Variants in PEX5L observed in about 807,000 individuals in gnomAD.
PEX5L encodes the protein peroxisomal biogenesis factor 5 like.
In PEX5L, 30 loss-of-function variants were observed where a neutral mutation model predicts 84.0. The ratio of observed to expected loss-of-function variants is 0.36; its 90% CI spans 0.27 to 0.48. PEX5L has a LOEUF of 0.48. PEX5L is among the 20% of genes least tolerant of loss of function. The probability of loss-of-function intolerance (pLI) is 0.99; values close to 1 mark genes in which losing one functional copy is unlikely to be tolerated. For synonymous variants in PEX5L, 270 were observed against 283.1 expected, an observed-to-expected ratio of 0.95 and a Z score of 0.46; for missense variants, 533 against 754.6, an observed-to-expected ratio of 0.71 and a Z score of 3.44.
chr3:179,960,737 T>C (rs570350578), intron 2 of PEX5L, among the ~76,000 whole-genome samples: 2 of 152,220 alleles, frequency 1.3e-5, no homozygotes, highest in Non-Finnish European at 2.9e-5. Context: ...ATGAGCTCAA[T>C]ATGTTTTATC....
chr3:179,965,727 C>T (rs1401580651), intron 2 of PEX5L, among the ~76,000 whole-genome samples: 1 of 151,824 alleles, frequency 6.6e-6, no homozygotes, highest in African/African-American at 2.4e-5. Context: ...CTAAACAAAC[C>T]AAAAAATAAA....
At chr3:180,025,606 C>A (rs1369074064) in intron 1 of PEX5L, among the ~76,000 whole-genome samples, 2 of 151,902 alleles carry the variant, frequency 1.3e-5, no homozygotes, top group African/African-American at 4.8e-5. Context: ...GAGGGGGTAA[C>A]ATTTGAAGGG....
chr3:179,838,933 T>C (rs1445624918), intron 8 of PEX5L, among the ~76,000 whole-genome samples: 1 of 152,120 alleles, frequency 6.6e-6, no homozygotes, highest in African/African-American at 2.4e-5. Flanking sequence ...AGAAAAAGTT[T>C]CCAACACAGG....
intron 14 of PEX5L, among the ~76,000 whole-genome samples, chr3:179,806,308 G>A (rs930547373): frequency 3.9e-5 from 6 of 152,200 alleles, no homozygotes; most frequent in African/African-American, 1.4e-4. Flanking sequence ...GGGTGGCACA[G>A]AGTCAGCTCT....
chr3:179,828,082 C>T (rs1731215760), intron 8 of PEX5L, among the ~76,000 whole-genome samples: 1 of 152,072 alleles, frequency 6.6e-6, no homozygotes, highest in Non-Finnish European at 1.5e-5. Flanking sequence ...AGCAAAAATC[C>T]TAAAAAGGTA....
chr3:180,005,654 G>A (rs1788819334), intron 1 of PEX5L, among the ~76,000 whole-genome samples: 1 of 152,112 alleles, frequency 6.6e-6, no homozygotes, highest in African/African-American at 2.4e-5. Flanking sequence ...GTGTGAACAC[G>A]GGAGGTGGAG....
chr3:179,809,369 G>T, intron 12 of PEX5L, 102 bp downstream of exon 12: 1 of 824,956 alleles, frequency 1.2e-6, no homozygotes. Context: ...AACCATTCTG[G>T]AGTGGGTGGT....
intron 2 of PEX5L, among the ~76,000 whole-genome samples, chr3:179,923,422 G>A (rs567977975): frequency 1.1e-4 from 17 of 152,046 alleles, no homozygotes; most frequent in Non-Finnish European, 7.4e-5. Flanking sequence ...AATTAAAATT[G>A]GTAGAAGTTT....
intron 2 of PEX5L, among the ~76,000 whole-genome samples, chr3:179,929,328 T>A (rs987181321): frequency 3.9e-5 from 6 of 152,172 alleles, no homozygotes; most frequent in Non-Finnish European, 8.8e-5. Flanking sequence ...AGTACTTAAA[T>A]CTAAATATAG....
At chr3:179,853,301 C>A (rs1204405541) in intron 8 of PEX5L, among the ~76,000 whole-genome samples, 24 of 152,214 alleles carry the variant, frequency 1.6e-4, no homozygotes, top group Admixed American at 1.6e-3. Flanking sequence ...CCAATGTATT[C>A]TAAATGTTGC....
intron 14 of PEX5L, among the ~76,000 whole-genome samples, chr3:179,806,781 T>C: frequency 6.6e-6 from 1 of 152,240 alleles, no homozygotes. Flanking sequence ...TCTCTTTTTT[T>C]AACAAGTGAA....
At chr3:179,970,973 C>T (rs1001402928) in intron 2 of PEX5L, among the ~76,000 whole-genome samples, 3 of 152,164 alleles carry the variant, frequency 2.0e-5, no homozygotes, top group Non-Finnish European at 2.9e-5. Context: ...CTTCCATTAC[C>T]TGGTATGTCA....
chr3:179,935,481 C>A lies in PEX5L; in HGVS notation c.93+36113G>T, dbSNP rs142603914. 6.2e-4 allele frequency among the ~76,000 whole-genome samples: 95 copies of A among 152,002 alleles called. 1 individual carries two copies. In the East Asian group the frequency reaches 0.015, roughly 24 times the overall value. On this transcript the variant is annotated intron_variant, in intron 2 of 14. Transcript: ENST00000467460. ...ATCTGGGCCACTGGGGCCTCCACCC[C>A]ATGCGGGATGTGCTTTTGGGTTATT...
chr3:179,921,850 C>T (rs144816935), intron 2 of PEX5L: 2 of 152,304 alleles, frequency 1.3e-5, no homozygotes, highest in East Asian at 3.9e-4. Flanking sequence ...GGATTGGAAT[C>T]ACAAGATGTT....
chr3:179,834,811 A>G (rs1405296227), intron 8 of PEX5L, among the ~76,000 whole-genome samples: 1 of 152,180 alleles, frequency 6.6e-6, no homozygotes, highest in Non-Finnish European at 1.5e-5. Flanking sequence ...TGTTCCTCAA[A>G]ATGATATTTT....
intron 1 of PEX5L, among the ~76,000 whole-genome samples, chr3:180,007,920 C>T (rs1789073265): frequency 6.6e-6 from 1 of 152,224 alleles, no homozygotes; most frequent in Admixed American, 6.5e-5. Flanking sequence ...GAGGGACTGC[C>T]ATGAAGGTCT....
intron 1 of PEX5L, among the ~76,000 whole-genome samples, chr3:179,986,157 T>C (rs1786791105): frequency 7.4e-6 from 1 of 134,988 alleles, no homozygotes; most frequent in Non-Finnish European, 1.6e-5. Context: ...CAATCTCATG[T>C]AATTTAAAAT....
chr3:180,023,389 T>C (rs921124072), intron 1 of PEX5L, among the ~76,000 whole-genome samples: 5 of 152,224 alleles, frequency 3.3e-5, no homozygotes, highest in Admixed American at 6.5e-5. Context: ...ATGTCTTATT[T>C]GCAGAATGAG....
intron 1 of PEX5L, among the ~76,000 whole-genome samples, chr3:179,981,450 G>A (rs889295737): frequency 2.0e-5 from 3 of 152,088 alleles, no homozygotes; most frequent in Non-Finnish European, 4.4e-5. Context: ...CTGTTTAGAC[G>A]CTGGTTGACA....
Sources: gnomAD v4.1 joint callset for allele counts (sites outside exome capture counted in the v4.1 genomes callset) on GRCh38, gnomAD v4.1.1 for gene constraint, MANE v1.5 for transcripts, NCBI Gene and HGNC (gene_info 2026-07-23, HGNC 2026-07-21) for gene names.